Variants in MACROD2 observed in about 807,000 individuals in gnomAD.
MACROD2 encodes the protein ADP-ribose glycohydrolase MACROD2.
MACROD2 carries 36 observed loss-of-function variants against 70.4 expected under a neutral mutation model. That is an observed-to-expected ratio of 0.51 (90% confidence interval 0.39 to 0.68). The LOEUF is 0.68. Among genes scored for constraint, MACROD2 ranks in the 30% least tolerant of loss-of-function variants. MACROD2 has a pLI of 0.00. For synonymous variants in MACROD2, 172 were observed against 178.8 expected (o/e 0.96, Z 0.30); for missense variants, 496 against 538.4 (o/e 0.92, Z 0.78).
chr20:15,489,917 A>G (rs371958680), intron 7 of MACROD2, among the ~76,000 whole-genome samples: 22 of 152,014 alleles, frequency 1.4e-4, no homozygotes, highest in East Asian at 5.8e-4. Flanking sequence ...TATTATATAC[A>G]TTTTGAAGGG....
intron 5 of MACROD2, among the ~76,000 whole-genome samples, chr20:15,104,155 A>T (rs765557353): frequency 6.6e-6 from 1 of 152,162 alleles, no homozygotes; most frequent in African/African-American, 2.4e-5. Flanking sequence ...AGCAGATGTG[A>T]CAAGGTTTGA....
intron 4 of MACROD2, among the ~76,000 whole-genome samples, chr20:14,611,099 TATG>T (rs1294652498): frequency 6.6e-6 from 1 of 152,138 alleles, no homozygotes; most frequent in East Asian, 1.9e-4. Context: ...CAGTATATGG[TATG>T]GTGGTTAAGA....
At chr20:14,594,099 A>C (rs992221095) in intron 4 of MACROD2, among the ~76,000 whole-genome samples, 1 of 152,220 alleles carries the variant, frequency 6.6e-6, no homozygotes, top group Non-Finnish European at 1.5e-5. Flanking sequence ...TGAAGATAGT[A>C]GGAGTACAAA....
intron 8 of MACROD2, among the ~76,000 whole-genome samples, chr20:15,572,234 C>T (rs2048385854): frequency 6.6e-6 from 1 of 152,022 alleles, no homozygotes; most frequent in African/African-American, 2.4e-5. Context: ...ACAGCATGAA[C>T]ACTTGCCAAG....
At chr20:15,915,142 A>G (rs1423516761) in intron 10 of MACROD2, among the ~76,000 whole-genome samples, 1 of 152,050 alleles carries the variant, frequency 6.6e-6, no homozygotes, top group Non-Finnish European at 1.5e-5. Context: ...TGACATTGGC[A>G]TGATTGATGA....
intron 8 of MACROD2, among the ~76,000 whole-genome samples, chr20:15,689,653 C>G (rs1010042502): frequency 1.3e-5 from 2 of 152,136 alleles, no homozygotes; most frequent in African/African-American, 4.8e-5. Context: ...TGGGAGGCAG[C>G]AGGCGAGTGA....
chr20:14,352,298 G>C (rs2083130312), intron 3 of MACROD2: 2 of 152,084 alleles, frequency 1.3e-5, no homozygotes, highest in South Asian at 4.1e-4. Flanking sequence ...AAGATTGTGA[G>C]CAAGTTTTGA....
intron 8 of MACROD2, among the ~76,000 whole-genome samples, chr20:15,620,777 TTTTGTTTG>T (rs376631029): frequency 1.3e-5 from 2 of 152,052 alleles, no homozygotes; most frequent in East Asian, 1.9e-4. Context: ...CAAGCTGTTT[TTTTGTTTG>T]TTTGTTTGTT....
intron 6 of MACROD2, among the ~76,000 whole-genome samples, chr20:15,247,115 GTGA>G (rs1375668299): frequency 1.3e-5 from 2 of 152,192 alleles, no homozygotes; most frequent in Non-Finnish European, 2.9e-5. Flanking sequence ...GAATTAAATA[GTGA>G]TGATGATTGC....
chr20:14,896,406 T>TA (rs370614498), intron 5 of MACROD2, among the ~76,000 whole-genome samples: 4 of 152,090 alleles, frequency 2.6e-5, no homozygotes, highest in Non-Finnish European at 5.9e-5. Context: ...TCCTTGCTTT[T>TA]AAAAAAAATG....
intron 15 of MACROD2, among the ~76,000 whole-genome samples, chr20:15,991,358 C>T (rs373800210): frequency 6.6e-6 from 1 of 152,194 alleles, no homozygotes; most frequent in Admixed American, 6.5e-5. Flanking sequence ...ACAAAGCACC[C>T]CTGTATAGCC....
chr20:14,508,251 T>G (rs1253222886), intron 4 of MACROD2, among the ~76,000 whole-genome samples: 1 of 152,194 alleles, frequency 6.6e-6, no homozygotes, highest in Non-Finnish European at 1.5e-5. Flanking sequence ...CAACATACAG[T>G]CAGTCTGCAA....
At chr20:14,111,758 A>G (rs2054453706) in intron 3 of MACROD2, among the ~76,000 whole-genome samples, 1 of 152,000 alleles carries the variant, frequency 6.6e-6, no homozygotes. Flanking sequence ...TACACTGTTG[A>G]TGGGAATGTA....
chr20:15,078,599 C>A (rs1444695714), intron 5 of MACROD2, among the ~76,000 whole-genome samples: 1 of 152,130 alleles, frequency 6.6e-6, no homozygotes, highest in Non-Finnish European at 1.5e-5. Flanking sequence ...GCCTTCCAGG[C>A]CATGTGTATT....
At chr20:14,584,542 C>A (rs1173795227) in intron 4 of MACROD2, among the ~76,000 whole-genome samples, 2 of 152,026 alleles carry the variant, frequency 1.3e-5, no homozygotes, top group African/African-American at 4.8e-5. Flanking sequence ...AAGGGCTATT[C>A]TTCTTCTTCT....
chr20:15,085,914 A>AT (rs2075745611), intron 5 of MACROD2, among the ~76,000 whole-genome samples: 5 of 148,466 alleles, frequency 3.4e-5, no homozygotes, highest in South Asian at 4.3e-4. Flanking sequence ...ACACACACAG[A>AT]TTTTTTCTTG....
intron 5 of MACROD2, among the ~76,000 whole-genome samples, chr20:15,044,299 G>A (rs1436838910): frequency 6.6e-6 from 1 of 152,198 alleles, no homozygotes; most frequent in Admixed American, 6.5e-5. Flanking sequence ...TCACTCAGGA[G>A]CTTACAAGAG....
At chr20:15,844,997 G>A (rs1371644123) in intron 8 of MACROD2, among the ~76,000 whole-genome samples, 1 of 152,046 alleles carries the variant, frequency 6.6e-6, no homozygotes, top group Non-Finnish European at 1.5e-5. Flanking sequence ...TTCATAAGTG[G>A]CATCACACTT....
chr20:15,133,982 A>C (rs2076126196), intron 5 of MACROD2, among the ~76,000 whole-genome samples: 1 of 142,796 alleles, frequency 7.0e-6, no homozygotes, highest in Non-Finnish European at 1.5e-5. Context: ...ATCTCAGCTC[A>C]CTGCAAGCTC....
Sources: allele counts gnomAD v4.1 joint callset (sites outside exome capture counted in the v4.1 genomes callset), GRCh38; gene constraint gnomAD v4.1.1; transcripts MANE v1.5; gene names NCBI Gene and HGNC (gene_info 2026-07-23, HGNC 2026-07-21).